ELAC2: variants seen among roughly 807,000 people sequenced by gnomAD.
The protein encoded by ELAC2 is elaC ribonuclease Z 2.
A neutral mutation model predicts 105.2 loss-of-function variants in ELAC2; 92 were observed. The observed-to-expected ratio is 0.87, with a 90% CI of 0.74 to 1.04. The LOEUF is 1.04. Among genes scored for constraint, ELAC2 ranks in the 50% least tolerant of loss-of-function variants. ELAC2 has a pLI of 0.00. For synonymous variants in ELAC2, 468 were observed against 409.1 expected (o/e 1.14, Z -1.74); for missense variants, 1,099 against 1,071.7 (o/e 1.03, Z -0.36).
chr17:13,007,290 T>G (rs1392530738), intron 8 of ELAC2, among the ~76,000 whole-genome samples: 1 of 152,228 alleles, frequency 6.6e-6, no homozygotes, highest in Non-Finnish European at 1.5e-5. Flanking sequence ...GATTTCCATT[T>G]TCTCCTTTAA....
chr17:12,993,739 AG>A lies in ELAC2; in HGVS notation c.2200del (p.Leu734SerfsTer17). 2.5e-6 allele frequency: 4 copies of A among 1,614,124 alleles called. No homozygotes were observed. Among genetic ancestry groups the A allele is most frequent in the Non-Finnish European group, 3.4e-6 (4 of 1,180,022 alleles). On this transcript the variant is annotated frameshift_variant, in exon 23 of 24. Transcript: ENST00000338034. LOFTEE classifies it high-confidence loss of function. ...TTTCTCGCTGAAGTTGGGGCTGAAG[AG>A]GGGGACCTTGGCATAGCGCTGGCTG... Reference protein sequence around the residue: ...HFSQRYAKVPLFSPNFSEKVG... With the variant: ...HFSQRYAKVPXFSPNFSEKVG...
At position 13,014,453 on chromosome 17, in the gene ELAC2, T is replaced by C; in HGVS notation, c.476A>G (p.Lys159Arg). The change falls in exon 5 of 24, where the codon AAA becomes AGA. Residue 159 changes from lysine (K) to arginine (R), a missense_variant. Coordinates refer to ENST00000338034, the MANE Select transcript of ELAC2 (RefSeq NM_018127.7). Reference sequence around the variant, plus strand: ...CAAAGACGTACCCAGTTCTATTCCTTTCAATGGACCAGAAAATATTTTGAT... The same window carrying C: ...CAAAGACGTACCCAGTTCTATTCCTCTCAATGGACCAGAAAATATTTTGAT... ...EAIKIFSGPL[K>R]GIELAVRPHS... 6.2e-7 allele frequency: 1 copy of C among 1,613,718 alleles called. No individual in the cohort carries two copies. The highest frequency in any genetic ancestry group is 1.1e-5 in the South Asian group (1 of 91,072).
chr17:13,017,995 G>C lies in ELAC2; in HGVS notation c.-48C>G, dbSNP rs1471680571. 4.6e-6 allele frequency: 7 copies of C among 1,533,802 alleles called. No individual in the cohort carries two copies. The highest frequency in any genetic ancestry group is 1.2e-5 in the South Asian group (1 of 83,822). On this transcript the variant is annotated 5_prime_UTR_variant, in exon 1 of 24. Coordinates refer to ENST00000338034, the MANE Select transcript of ELAC2 (RefSeq NM_018127.7). ...AGAAAGCCGCCGGTCACCTACGCCC[G>C]CGTTTCCCGTGCACCACCTAGCCGC...
rs775698705 is a variant in ELAC2 at position 12,996,629 on chromosome 17, C to T, written c.1577G>A (p.Arg526His). Reference protein sequence around the residue: ...CGEGTFGQLCRHYGDQVDRVL... With the variant: ...CGEGTFGQLCHHYGDQVDRVL... ...CCTGTCCACCTGGTCTCCGTAATGA[C>T]GGCACAGCTGCCCAAATGTGCCCTC... The change falls in exon 17 of 24, where the codon CGT (arginine) becomes CAT (histidine). Residue 526 changes from arginine (R) to histidine (H), a missense_variant. Coordinates refer to ENST00000338034, the MANE Select transcript of ELAC2 (RefSeq NM_018127.7). The T allele has an allele frequency of 3.7e-6, 6 of 1,614,030 alleles. No homozygotes were observed. Among genetic ancestry groups the T allele is most frequent in the Non-Finnish European group, 4.2e-6 (5 of 1,180,014 alleles).
intron 14 of ELAC2, 182 bp from the exon 15 acceptor site, chr17:13,000,456 A>G (rs1388653138): frequency 9.1e-6 from 6 of 661,332 alleles, no homozygotes; most frequent in African/African-American, 1.8e-5. Flanking sequence ...TGGATGCTGC[A>G]TCGCTCTGCC....
Position 13,000,181 on chromosome 17 carries a change from A to G in ELAC2, c.1398T>C (p.Ser466=), listed in dbSNP as rs759143366. ...FQQSVQEYRR[S]AQDGPAPAEK... ...CTGCTGGGGCTGGGCCGTCCTGCGC[A>G]CTCCTCCTGTACTCCTGCACGCTCT... Residue 466 remains serine (S), a synonymous_variant, in exon 15 of 24, where the codon AGT becomes AGC. Coordinates refer to ENST00000338034, the MANE Select transcript of ELAC2 (RefSeq NM_018127.7). 1.9e-6 allele frequency: 3 copies of G among 1,613,180 alleles called. No homozygotes were observed. Among genetic ancestry groups the G allele is most frequent in the Non-Finnish European group, 2.5e-6 (3 of 1,179,894 alleles).
chr17:13,015,802 A>T lies in ELAC2; in HGVS notation c.398T>A (p.Leu133His). ...GMILTLKETG[L>H]PKCVLSGPPQ... ...AGGTCCAGAAAGTACACACTTTGGAAGCCCGGTTTCCTTTAAAGTAAGAAT... is the reference window on the plus strand; with the variant it reads ...AGGTCCAGAAAGTACACACTTTGGATGCCCGGTTTCCTTTAAAGTAAGAAT... The change falls in exon 4 of 24, where the codon CTT becomes CAT. Residue 133 changes from leucine (L) to histidine (H), a missense_variant. Physicochemically the swap from Leu to His is moderately conservative, Grantham distance 99. Coordinates refer to ENST00000338034, the MANE Select transcript of ELAC2 (RefSeq NM_018127.7). 1 of 1,614,134 alleles carries T rather than the reference A, an allele frequency of 6.2e-7. No homozygotes were observed. The highest frequency in any genetic ancestry group is 1.1e-5 in the South Asian group (1 of 91,086).
At chr17:12,993,905 C>G in intron 22 of ELAC2, 74 bp from the exon 23 acceptor site, 1 of 1,607,802 alleles carries the variant, frequency 6.2e-7, no homozygotes. Context: ...GGCACAGACC[C>G]TGGCCATCAA....
chr17:13,004,916 CCA>C lies in ELAC2; in HGVS notation c.983+71_983+72del, dbSNP rs555117355. The stretch of plus-strand genomic sequence containing the variant: ...GGTCTTCCCAGAAACACAGCTCTTG[CCA>C]CAAGATGCCCATGTCGATGCTGGGC... On this transcript the variant is annotated intron_variant, in intron 11 of 23. Coordinates refer to ENST00000338034, the MANE Select transcript of ELAC2 (RefSeq NM_018127.7). The C allele has an allele frequency of 6.8e-4, 806 of 1,188,678 alleles. 14 individuals carry two copies. In the South Asian group the frequency reaches 9.2e-3, roughly 14 times the overall value. 73.6% of individuals were successfully genotyped at this position (1,188,678 alleles called of 1,614,324 possible).
Position 13,005,061 on chromosome 17 carries a change from G to C in ELAC2, c.911C>G (p.Ala304Gly). ...TGGACATTCTACCACCACAAAAGCA[G>C]CACCAGGATCTGGAGGAGTACACAG... is the stretch of plus-strand genomic sequence containing the variant. ...EELCTPPDPG[A>G]AFVVVECPDE... is the part of the protein sequence containing the mutation. Residue 304 changes from alanine to glycine, a missense_variant, in exon 11 of 24, where the codon GCT becomes GGT. Transcript: ENST00000338034. 6.2e-7 allele frequency: 1 copy of C among 1,614,174 alleles called. No individual in the cohort carries two copies. Among genetic ancestry groups the C allele is most frequent in the Non-Finnish European group, 8.5e-7 (1 of 1,180,018 alleles).
chr17:13,003,943 A>G, intron 11 of ELAC2: 1 of 250,634 alleles, frequency 4.0e-6, no homozygotes, highest in South Asian at 5.0e-5. Flanking sequence ...TCTCACAGTC[A>G]AATTTCCTCG....
rs2143556871 is a variant in ELAC2 at position 12,995,021 on chromosome 17, G to C, written c.1850C>G (p.Ser617Cys). The change falls in exon 20 of 24, where the codon TCC becomes TGC. Residue 617 changes from serine to cysteine, a missense_variant. Transcript: ENST00000338034. ...GATCAATCTTTCCACTGCAGGACTG[G>C]AGATCTCAGCCCCTTCCTGAAGGCA... ...AKCLQEGAEISSPAVERLISS... is the reference protein window; with the variant it reads ...AKCLQEGAEICSPAVERLISS... The C allele has an allele frequency of 6.2e-7, 1 of 1,614,188 alleles. No individual in the cohort carries two copies.
At chr17:13,010,475 C>A in intron 8 of ELAC2, 138 bp downstream of exon 8, 1 of 815,956 alleles carries the variant, frequency 1.2e-6, no homozygotes. Flanking sequence ...GGCCTTCCAT[C>A]AGCTTTTCTG....
intron 8 of ELAC2, among the ~76,000 whole-genome samples, chr17:13,007,426 A>G (rs771303619): frequency 1.3e-5 from 2 of 152,238 alleles, no homozygotes; most frequent in Non-Finnish European, 2.9e-5. Context: ...CTTAAAAAAT[A>G]TCATCCTAGA....
rs140919292 is a variant in ELAC2, at chr17:13,006,129, C to T, written c.739-150G>A. 3,300 of 804,018 alleles carry T rather than the reference C, an allele frequency of 4.1e-3. 120 individuals are homozygous for T. In the East Asian group the frequency reaches 0.069, roughly 17 times the overall value. The allele number at this position is 804,018 out of a possible 1,614,324, so 49.8% of individuals were successfully genotyped here. On this transcript the variant is annotated intron_variant, in intron 8 of 23. Transcript: ENST00000338034. ...CTCACGCCTGTAATTCCAGTACTTT[C>T]GGAGGCTGAGGCGGGCAGATCACCT...
At position 13,013,149 on chromosome 17, in the gene ELAC2, T is replaced by A; in HGVS notation, c.559+58A>T. 2.5e-6 allele frequency: 4 copies of A among 1,586,596 alleles called. No homozygotes were observed. The South Asian group carries it at 4.4e-5, about 18-fold the overall frequency. On this transcript the variant is annotated intron_variant, in intron 6 of 23. Coordinates refer to ENST00000338034, the MANE Select transcript of ELAC2 (RefSeq NM_018127.7). ...AGTGTTCAGTTTCTATTTTCATCCA[T>A]GTTTTCTTTACTCAGGACGTACACC...
chr17:13,000,331 A>AC, intron 14 of ELAC2, 57 bp from the exon 15 acceptor site: 1 of 1,482,142 alleles, frequency 6.7e-7, no homozygotes, highest in South Asian at 1.1e-5. Context: ...GCCTCAGCAG[A>AC]CCCCATTGGG....
At chr17:13,017,025 A>C in intron 2 of ELAC2, 46 bp downstream of exon 2, 1 of 1,613,356 alleles carries the variant, frequency 6.2e-7, no homozygotes. Context: ...TTCGGCTTTC[A>C]AGCCCCGTAA....
At chr17:13,010,526 C>T (rs2041360010) in intron 8 of ELAC2, 87 bp downstream of exon 8, 35 of 1,238,032 alleles carry the variant, frequency 2.8e-5, no homozygotes, top group Non-Finnish European at 4.1e-5. Context: ...ACAGGAGTGC[C>T]TACCCTCAAA....
Sources: gnomAD v4.1 joint callset for allele counts (sites outside exome capture counted in the v4.1 genomes callset) on GRCh38, gnomAD v4.1.1 for gene constraint, MANE v1.5 for transcripts, NCBI Gene and HGNC (gene_info 2026-07-23, HGNC 2026-07-21) for gene names.